Variants in POLQ observed in about 807,000 individuals in gnomAD.
The protein encoded by POLQ is epididymis secretory sperm binding protein.
A neutral mutation model predicts 259.2 loss-of-function variants in POLQ; 233 were observed. The ratio of observed to expected loss-of-function variants is 0.90; its 90% confidence interval spans 0.81 to 1.00. The LOEUF (loss-of-function observed/expected upper bound fraction) is 1.00. Ranked by LOEUF, POLQ falls within the 50% of genes least tolerant of loss-of-function variation. The probability of loss-of-function intolerance (pLI) is 0.00; values close to 1 mark genes in which losing one functional copy is unlikely to be tolerated. For missense variants in POLQ, 2,871 were observed against 3,051.6 expected, an observed-to-expected ratio of 0.94 and a Z score of 1.39; for synonymous variants, 1,025 against 1,048.8, an observed-to-expected ratio of 0.98 and a Z score of 0.44.
At chr3:121,468,242 C>G in intron 23 of POLQ, 63 bp downstream of exon 23, 1 of 1,261,682 alleles carries the variant, frequency 7.9e-7, no homozygotes, top group Non-Finnish European at 1.1e-6. Flanking sequence ...GTCTAATAAG[C>G]TATTTTGAGC....
intron 9 of POLQ, among the ~76,000 whole-genome samples, chr3:121,517,754 A>G (rs1383708882): frequency 2.0e-5 from 3 of 152,228 alleles, no homozygotes; most frequent in Admixed American, 1.3e-4. Context: ...GAGGATAGAA[A>G]CTACATTGCT....
At chr3:121,432,827 C>A in intron 29 of POLQ, 91 bp downstream of exon 29, 2 of 793,290 alleles carry the variant, frequency 2.5e-6, no homozygotes, top group Non-Finnish European at 4.4e-6. Context: ...GGTAGAGTTC[C>A]AAAATCCTCA....
intron 8 of POLQ, 113 bp downstream of exon 8, chr3:121,521,889 GA>G: frequency 2.6e-6 from 2 of 762,444 alleles, no homozygotes; most frequent in Admixed American, 6.7e-5. Context: ...TTCTTAAAAA[GA>G]AATCTAAGGA....
At chr3:121,481,417 A>G (rs2047969105) in intron 19 of POLQ, among the ~76,000 whole-genome samples, 155 bp downstream of exon 19, 1 of 152,242 alleles carries the variant, frequency 6.6e-6, no homozygotes, top group Non-Finnish European at 1.5e-5. Context: ...TACAAAGCCA[A>G]AAATATTTAC....
At chr3:121,445,487 AT>A (rs1356970191) in intron 26 of POLQ, among the ~76,000 whole-genome samples, 1 of 151,874 alleles carries the variant, frequency 6.6e-6, no homozygotes, top group Non-Finnish European at 1.5e-5. Flanking sequence ...CTCCTTTTTC[AT>A]TTCTGATTTT....
chr3:121,501,855 T>C (rs2108804183), intron 12 of POLQ, among the ~76,000 whole-genome samples: 1 of 149,946 alleles, frequency 6.7e-6, no homozygotes, highest in South Asian at 2.1e-4. Context: ...CCAGGAGTGG[T>C]GGCGCATGCC....
chr3:121,451,938 G>C (rs1320044938), intron 25 of POLQ, among the ~76,000 whole-genome samples: 1 of 152,254 alleles, frequency 6.6e-6, no homozygotes. Context: ...GCTCCACCCA[G>C]TTCGAGCTTC....
Position 121,510,044 on chromosome 3 carries a change from GT to G in POLQ, c.1810del (p.Thr604GlnfsTer26), listed in dbSNP as rs866920934. On this transcript the variant is annotated frameshift_variant, in exon 11 of 30. Transcript: ENST00000264233. LOFTEE classifies it high-confidence loss of function. Reference sequence around the variant, plus strand: ...AACTGAGAAGTCACACTTACCTTCTGTTCCATCACTGGCTTCTGTACTCTGG... The same window carrying G: ...AACTGAGAAGTCACACTTACCTTCTGTCCATCACTGGCTTCTGTACTCTGG... The part of the protein sequence containing the change: ...FIQSTEASDG[T>X]EGKVYHPTHL... 148 of 1,612,114 alleles carry G rather than the reference GT, an allele frequency of 9.2e-5. No individual in the cohort carries two copies. The highest frequency in any genetic ancestry group is 1.2e-4 in the Non-Finnish European group (145 of 1,178,270).
chr3:121,508,499 G>C (rs558574022), intron 12 of POLQ, among the ~76,000 whole-genome samples: 2 of 152,094 alleles, frequency 1.3e-5, no homozygotes, highest in African/African-American at 4.8e-5. Flanking sequence ...TAAGTGATGA[G>C]GCCAAAAGTT....
rs748072643 is a variant in POLQ at position 121,498,501 on chromosome 3, T to A, written c.2129A>T (p.His710Leu). The change falls in exon 13 of 30, where the codon CAT (histidine) becomes CTT (leucine). Residue 710 changes from histidine to leucine, a missense_variant. Around this residue, in one of 3 missense-constraint regions of POLQ, gnomAD observed 783 missense variants for 906.2 expected, o/e 0.86. Coordinates refer to ENST00000264233, the MANE Select transcript of POLQ (RefSeq NM_199420.4). ...CCTTTTATGGATGGCCATTTGTCGATGCTGTCTCTCAGTTCTGGCTACTAC... is the reference window on the plus strand; with the variant it reads ...CCTTTTATGGATGGCCATTTGTCGAAGCTGTCTCTCAGTTCTGGCTACTAC... ...GKVVARTERQ[H>L]RQMAIHKRFF... is the part of the protein sequence containing the mutation. 4.0e-5 allele frequency: 65 copies of A among 1,613,910 alleles called. No individual in the cohort carries two copies. The South Asian group carries it at 6.1e-4, about 15-fold the overall frequency.
intron 27 of POLQ, among the ~76,000 whole-genome samples, chr3:121,438,480 G>A (rs1039591209): frequency 2.2e-4 from 34 of 152,156 alleles, no homozygotes; most frequent in African/African-American, 7.7e-4. Flanking sequence ...TTTAGAAGAA[G>A]CCTTTTAGTC....
intron 12 of POLQ, among the ~76,000 whole-genome samples, chr3:121,501,564 C>T (rs2048168261): frequency 7.3e-6 from 1 of 136,812 alleles, no homozygotes. Context: ...GAGGCTGAGG[C>T]AGGAGGAGAA....
At chr3:121,534,799 TTG>T (rs563690441) in intron 5 of POLQ, among the ~76,000 whole-genome samples, 59 of 152,376 alleles carry the variant, frequency 3.9e-4, no homozygotes, top group Middle Eastern at 3.4e-3. Flanking sequence ...CTAACTTCTG[TTG>T]TGATTACTTT....
chr3:121,493,605 C>T lies in POLQ; in HGVS notation c.2395G>A (p.Val799Ile). ...IQRELCDLVR[V>I]SLLNAQRARV... is the part of the protein sequence containing the mutation. ...GCTCTCTGAGCATTTAGTAAGGATA[C>T]CCGAACCAGGTCACACAGCTCCCTC... Residue 799 changes from valine (V) to isoleucine (I), a missense_variant, in exon 15 of 30, where the codon GTA (valine) becomes ATA (isoleucine). By Grantham distance (29) the Val-to-Ile change is conservative. Coordinates refer to ENST00000264233, the MANE Select transcript of POLQ (RefSeq NM_199420.4). 1 of 1,614,066 alleles carries T rather than the reference C, an allele frequency of 6.2e-7. No individual in the cohort carries two copies. The highest frequency in any genetic ancestry group is 8.5e-7 in the Non-Finnish European group (1 of 1,179,998).
Position 121,487,629 on chromosome 3 carries a change from G to A in POLQ, c.5302C>T (p.Pro1768Ser). 6.2e-7 allele frequency: 1 copy of A among 1,613,676 alleles called. No individual in the cohort carries two copies. Among genetic ancestry groups the A allele is most frequent in the South Asian group, 1.1e-5 (1 of 91,062 alleles). The change falls in exon 16 of 30, where the codon CCT becomes TCT. Residue 1768 changes from proline (P) to serine (S), a missense_variant. By Grantham distance (74) the Pro-to-Ser change is moderately conservative. Transcript: ENST00000264233. ...NPWKTNNVLQ[P>S]GESYLFGSPS... ...GAGCCAAATAAATAACTTTCACCAG[G>A]TTGTAAAACATTATTAGTTTTCCAA...
chr3:121,490,043 C>A lies in POLQ; in HGVS notation c.2888G>T (p.Arg963Ile). ...PNIVQDLNKS[R>I]EHTSSFNCNF... is the part of the protein sequence containing the mutation. ...ACAATTAAAGGAACTTGTATGCTCT[C>A]TACTTTTATTTAAGTCTTGCACTAT... The change falls in exon 16 of 30, where the codon AGA becomes ATA. Residue 963 changes from arginine to isoleucine, a missense_variant. Around this residue, in one of 3 missense-constraint regions of POLQ, gnomAD observed 2,080 missense variants for 2,126.0 expected, o/e 0.98. Transcript: ENST00000264233. 1 of 1,574,938 alleles carries A rather than the reference C, an allele frequency of 6.3e-7. No homozygotes were observed. Among genetic ancestry groups the A allele is most frequent in the East Asian group, 2.2e-5 (1 of 44,708 alleles).
At chr3:121,453,615 C>A (rs1400346411) in intron 25 of POLQ, among the ~76,000 whole-genome samples, 6 of 152,032 alleles carry the variant, frequency 3.9e-5, no homozygotes, top group Non-Finnish European at 7.3e-5. Flanking sequence ...GGAGCCGATG[C>A]GATCAACTGG....
At chr3:121,439,311 G>A (rs1257728058) in intron 27 of POLQ, among the ~76,000 whole-genome samples, 1 of 150,932 alleles carries the variant, frequency 6.6e-6, no homozygotes, top group Non-Finnish European at 1.5e-5. Context: ...GCTCACTGCA[G>A]CCTCCAATTC....
intron 4 of POLQ, among the ~76,000 whole-genome samples, chr3:121,537,496 T>C (rs1028529627): frequency 1.3e-5 from 2 of 152,200 alleles, no homozygotes; most frequent in African/African-American, 4.8e-5. Context: ...GCTATCTTTA[T>C]GTCCATGAGT....
Sources: gnomAD v4.1 joint callset for allele counts (sites outside exome capture counted in the v4.1 genomes callset) on GRCh38, gnomAD v4.1.1 for gene constraint, gnomAD v4.1.1 regional missense constraint, MANE v1.5 for transcripts, NCBI Gene and HGNC (gene_info 2026-07-23, HGNC 2026-07-21) for gene names.